The following SLC9C1 variants were observed in gnomAD, a reference collection of about 807,000 sequenced individuals.
SLC9C1 encodes the protein solute carrier family 9 member C1.
Under a neutral mutation model 140.9 loss-of-function variants are expected in SLC9C1, and 97 were observed. The ratio of observed to expected loss-of-function variants is 0.69; its 90% confidence interval spans 0.58 to 0.82. The LOEUF is 0.82. Ranked by LOEUF, SLC9C1 falls within the 40% of genes least tolerant of loss-of-function variation. SLC9C1 has a pLI of 0.00. For missense variants in SLC9C1, 1,340 were observed against 1,389.3 expected, an observed-to-expected ratio of 0.96 and a Z score of 0.56; for synonymous variants, 440 against 442.6, an observed-to-expected ratio of 0.99 and a Z score of 0.07.
chr3:112,227,776 GCTAA>G (rs1290155156), intron 13 of SLC9C1, among the ~76,000 whole-genome samples: 1 of 151,974 alleles, frequency 6.6e-6, no homozygotes, highest in Non-Finnish European at 1.5e-5. Context: ...CAGACTAACA[GCTAA>G]CTATGTGAAA....
chr3:112,146,614 G>A (rs532934274), intron 28 of SLC9C1, among the ~76,000 whole-genome samples: 2 of 152,224 alleles, frequency 1.3e-5, no homozygotes, highest in East Asian at 1.9e-4. Flanking sequence ...GTAATTGTGT[G>A]GTTTTGAGAG....
intron 28 of SLC9C1, among the ~76,000 whole-genome samples, chr3:112,141,714 AAT>A (rs1453507305): frequency 6.6e-6 from 1 of 152,180 alleles, no homozygotes; most frequent in Non-Finnish European, 1.5e-5. Flanking sequence ...ATATTTCAAT[AAT>A]GTTTAATAGT....
intron 27 of SLC9C1, 92 bp from the exon 28 acceptor site, chr3:112,152,055 G>A: frequency 1.1e-6 from 1 of 915,050 alleles, no homozygotes; most frequent in Non-Finnish European, 1.6e-6. Context: ...CTCGCAAGGT[G>A]GAGATGAGAG....
chr3:112,168,758 G>A, intron 25 of SLC9C1, 119 bp downstream of exon 25: 1 of 971,162 alleles, frequency 1.0e-6, no homozygotes, highest in Non-Finnish European at 1.5e-6. Flanking sequence ...GGAGTGGTGG[G>A]AAAAGGGAGA....
At chr3:112,241,338 AAAG>A (rs1321913709) in intron 11 of SLC9C1, among the ~76,000 whole-genome samples, 1 of 118,232 alleles carries the variant, frequency 8.5e-6, no homozygotes, top group Non-Finnish European at 1.9e-5. Flanking sequence ...TAAAAATAAA[AAAG>A]AAGAAAATAG....
rs760820077 is a variant in SLC9C1 at position 112,264,221 on chromosome 3, T to C, written c.1001A>G (p.Tyr334Cys). The C allele has an allele frequency of 2.4e-6, 3 of 1,240,070 alleles. No individual in the cohort carries two copies. Among genetic ancestry groups the C allele is most frequent in the Admixed American group, 3.0e-5 (1 of 32,982 alleles). The allele number at this position is 1,240,070 out of a possible 1,614,324, so 76.8% of individuals were successfully genotyped here. A position where few individuals can be genotyped will look rare whatever the true frequency, so the allele number is the denominator to read the frequency against. ...TTACCTTAAAACAATCAATGTTAAG[T>C]AGATATTTAATGAATAGTATATATC... is the stretch of plus-strand genomic sequence containing the variant. ...FVDIYYSLNI[Y>C]LTLIVLRFLT... Residue 334 changes from tyrosine (Y) to cysteine (C), a missense_variant, in exon 9 of 29, where the codon TAC (tyrosine) becomes TGC (cysteine). Physicochemically the swap from Tyr to Cys is radical, Grantham distance 194 (BLOSUM62 -2). Coordinates refer to ENST00000305815, the MANE Select transcript of SLC9C1 (RefSeq NM_183061.3).
chr3:112,214,905 A>G (rs888575477), intron 15 of SLC9C1, among the ~76,000 whole-genome samples: 5 of 137,028 alleles, frequency 3.6e-5, no homozygotes, highest in African/African-American at 1.1e-4. Flanking sequence ...AGACACAACA[A>G]AAAAAGAGAA....
intron 15 of SLC9C1, among the ~76,000 whole-genome samples, chr3:112,210,118 A>G (rs1002605444): frequency 1.1e-4 from 16 of 152,342 alleles, no homozygotes; most frequent in South Asian, 2.1e-4. Context: ...GTTACTCAAG[A>G]AACTAAATAT....
chr3:112,256,820 G>T (rs2079620169), intron 10 of SLC9C1, among the ~76,000 whole-genome samples: 1 of 151,906 alleles, frequency 6.6e-6, no homozygotes, highest in Non-Finnish European at 1.5e-5. Context: ...AAACCCCATA[G>T]TTGGCCCAAA....
At chr3:112,147,748 A>G (rs2074845886) in intron 28 of SLC9C1, among the ~76,000 whole-genome samples, 1 of 152,090 alleles carries the variant, frequency 6.6e-6, no homozygotes, top group African/African-American at 2.4e-5. Context: ...TCTGGTGACT[A>G]TATGTGTTGG....
chr3:112,164,576 T>C (rs570515264), intron 26 of SLC9C1, among the ~76,000 whole-genome samples: 1 of 150,290 alleles, frequency 6.7e-6, no homozygotes, highest in African/African-American at 2.5e-5. Flanking sequence ...AAAATTCTTT[T>C]CTTTAAGAAT....
At chr3:112,215,419 G>A (rs946679355) in intron 15 of SLC9C1, among the ~76,000 whole-genome samples, 1 of 152,072 alleles carries the variant, frequency 6.6e-6, no homozygotes, top group African/African-American at 2.4e-5. Flanking sequence ...AAGTCAAATT[G>A]TCCCTGTTTG....
At chr3:112,224,448 T>C (rs989395644) in intron 13 of SLC9C1, among the ~76,000 whole-genome samples, 1 of 151,850 alleles carries the variant, frequency 6.6e-6, no homozygotes, top group African/African-American at 2.4e-5. Flanking sequence ...AGGAACACAA[T>C]AGTTCACCAG....
At chr3:112,235,416 G>A (rs2078956812) in intron 12 of SLC9C1, among the ~76,000 whole-genome samples, 1 of 151,132 alleles carries the variant, frequency 6.6e-6, no homozygotes, top group South Asian at 2.1e-4. Flanking sequence ...CATGTCATCT[G>A]CAAACAGGGA....
intron 18 of SLC9C1, 70 bp downstream of exon 18, chr3:112,202,180 G>GA (rs1414379466): frequency 4.0e-5 from 62 of 1,557,296 alleles, no homozygotes; most frequent in East Asian, 4.5e-5. Context: ...TATATGAACA[G>GA]AAAAAAATGA....
chr3:112,275,661 A>G (rs2080192406), intron 5 of SLC9C1, among the ~76,000 whole-genome samples: 2 of 152,316 alleles, frequency 1.3e-5, no homozygotes, highest in Non-Finnish European at 2.9e-5. Flanking sequence ...TCTAAAAGCC[A>G]TAGGAGGAAA....
chr3:112,148,110 C>T (rs145348777), intron 28 of SLC9C1, among the ~76,000 whole-genome samples: 14 of 152,146 alleles, frequency 9.2e-5, no homozygotes, highest in Non-Finnish European at 1.9e-4. Flanking sequence ...TTTCCAATTC[C>T]AGAAGCCCTG....
intron 26 of SLC9C1, among the ~76,000 whole-genome samples, chr3:112,163,334 T>A (rs1029193683): frequency 1.3e-5 from 2 of 148,882 alleles, no homozygotes; most frequent in Non-Finnish European, 3.0e-5. Context: ...TGTTTGCTCT[T>A]GCTTTTCTAG....
intron 28 of SLC9C1, among the ~76,000 whole-genome samples, chr3:112,150,923 C>T (rs1360436115): frequency 6.7e-6 from 1 of 149,632 alleles, no homozygotes; most frequent in Non-Finnish European, 1.5e-5. Context: ...CTGCAACCTC[C>T]GCCGCCCAGG....
Sources: gnomAD v4.1 joint callset for allele counts (sites outside exome capture counted in the v4.1 genomes callset) on GRCh38, gnomAD v4.1.1 for gene constraint, MANE v1.5 for transcripts, NCBI Gene and HGNC (gene_info 2026-07-23, HGNC 2026-07-21) for gene names.